ABR: variants seen among roughly 807,000 people sequenced by gnomAD.
ABR encodes the protein active breakpoint cluster region-related protein.
ABR carries 35 observed loss-of-function variants against 107.2 expected under a neutral mutation model. That is an observed-to-expected ratio of 0.33 (90% CI 0.25 to 0.43). The LOEUF is 0.43. Ranked by LOEUF, ABR falls within the 20% of genes least tolerant of loss-of-function variation. The pLI, the probability that ABR is intolerant of heterozygous loss-of-function variation, is 1.00. For missense variants in ABR, 815 were observed against 1,115.2 expected (o/e 0.73, Z 3.83); for synonymous variants, 498 against 462.0 (o/e 1.08, Z -1.00).
chr17:1,011,240 C>T lies in ABR; in HGVS notation c.2102-377G>A, dbSNP rs181989922. Reference sequence around the variant, plus strand: ...ACTTTTCACACGTAAAAGCATGTTCCGACAAAGCCTCAGCTTCTAGGCTGC... The same window carrying T: ...ACTTTTCACACGTAAAAGCATGTTCTGACAAAGCCTCAGCTTCTAGGCTGC... On this transcript the variant is annotated intron_variant, in intron 19 of 22. Coordinates refer to ENST00000302538, the MANE Select transcript of ABR (RefSeq NM_021962.5). The surrounding 1 kb of genome is among the most constrained non-coding windows in gnomAD (Gnocchi z 4.8). 70 of 237,912 alleles carry T rather than the reference C, an allele frequency of 2.9e-4. 2 individuals carry two copies. The highest frequency in any genetic ancestry group is 1.5e-3 in the South Asian group (28 of 18,622). The allele number at this position is 237,912 out of a possible 1,614,324, so 14.7% of individuals were successfully genotyped here.
chr17:1,034,814 G>C lies in ABR; in HGVS notation c.1791+15236C>G, dbSNP rs147407148. Among the ~76,000 whole-genome samples, 538 of 152,266 alleles carry C rather than the reference G, an allele frequency of 3.5e-3. 1 individual carries two copies. The highest frequency in any genetic ancestry group is 0.012 in the African/African-American group (515 of 41,524). Reference sequence around the variant, plus strand: ...TCCCCTTCCCTCGGGCTGGGTCCCAGGCCACAGGGTGCAGACTGCGAGAAT... The same window carrying C: ...TCCCCTTCCCTCGGGCTGGGTCCCACGCCACAGGGTGCAGACTGCGAGAAT... On this transcript the variant is annotated intron_variant, in intron 16 of 22. Coordinates refer to ENST00000302538, the MANE Select transcript of ABR (RefSeq NM_021962.5).
rs548061455 is a variant in ABR, at chr17:1,148,861, A to G, written c.62-23494T>C. Among the ~76,000 whole-genome samples the G allele has an allele frequency of 6.6e-6, 1 of 152,194 alleles. No individual in the cohort carries two copies. Among genetic ancestry groups the G allele is most frequent in the East Asian group, 1.9e-4 (1 of 5,180 alleles). The stretch of plus-strand genomic sequence containing the variant: ...ATGCGTACACTGGATGGAAAATTTT[A>G]GGCATGTGTATTTTGCCATGATTTT... On this transcript the variant is annotated intron_variant, in intron 1 of 22. Transcript: ENST00000302538. The surrounding 1 kb of genome is among the most constrained non-coding windows in gnomAD (Gnocchi z 4.9).
At chr17:1,009,585 G>A (rs1486608586) in intron 21 of ABR, 94 bp downstream of exon 21, 11 of 1,046,372 alleles carry the variant, frequency 1.1e-5, no homozygotes, top group Middle Eastern at 2.2e-4. Flanking sequence ...ACCTTTTCAC[G>A]AGGAGGGACT....
chr17:1,020,305 A>C (rs1220541941), intron 16 of ABR, among the ~76,000 whole-genome samples: 1 of 151,884 alleles, frequency 6.6e-6, no homozygotes, highest in African/African-American at 2.4e-5. Flanking sequence ...CTGGTCTCCA[A>C]CTCCTGACCT....
chr17:1,187,908 T>C (rs1337320864), upstream of ABR, among the ~76,000 whole-genome samples: 1 of 146,758 alleles, frequency 6.8e-6, no homozygotes, highest in East Asian at 2.1e-4. Flanking sequence ...AATAAATAAA[T>C]AAATAAATAA....
At position 1,050,761 on chromosome 17, in the gene ABR, C is replaced by T. The variant is rs1361828187; in HGVS notation, c.1562-127G>A. 2.6e-6 allele frequency: 2 copies of T among 755,762 alleles called. No individual in the cohort carries two copies. The highest frequency in any genetic ancestry group is 4.6e-6 in the Non-Finnish European group (2 of 438,602). The allele number at this position is 755,762 out of a possible 1,614,324, so 46.8% of individuals were successfully genotyped here. ...AACGTCCCCACGGATGGCATCTTGG[C>T]TCTCTCCTCCCTGAAGCCCGGGACC... On this transcript the variant is annotated intron_variant, in intron 14 of 22. Coordinates refer to ENST00000302538, the MANE Select transcript of ABR (RefSeq NM_021962.5). This position sits in a 1 kb window ranked among gnomAD's most constrained non-coding sequence, Gnocchi z 4.6.
chr17:1,148,476 G>GC lies in ABR; in HGVS notation c.62-23110dup, dbSNP rs1037948696. On this transcript the variant is annotated intron_variant, in intron 1 of 22. Coordinates refer to ENST00000302538, the MANE Select transcript of ABR (RefSeq NM_021962.5). The surrounding 1 kb of genome is among the most constrained non-coding windows in gnomAD (Gnocchi z 4.9). The stretch of plus-strand genomic sequence containing the variant: ...CTGTTGTTCAATACAGGGGTCCCCA[G>GC]CCCCCCCGGGCATGGACCGGCACCA... Among the ~76,000 whole-genome samples the GC allele has an allele frequency of 8.5e-5, 13 of 152,224 alleles. No individual in the cohort carries two copies. The highest frequency in any genetic ancestry group is 2.9e-4 in the African/African-American group (12 of 41,554).
intron 1 of ABR, among the ~76,000 whole-genome samples, chr17:1,132,670 C>G (rs573659797): frequency 9.2e-5 from 14 of 152,180 alleles, no homozygotes; most frequent in African/African-American, 3.4e-4. Flanking sequence ...AGCCACCACA[C>G]CTGGCCAATA....
Position 1,071,277 on chromosome 17 carries a change from G to A in ABR, c.895-1187C>T, listed in dbSNP as rs1224398520. 6.6e-6 allele frequency among the ~76,000 whole-genome samples: 1 copy of A among 152,176 alleles called. No homozygotes were observed. Among genetic ancestry groups the A allele is most frequent in the African/African-American group, 2.4e-5 (1 of 41,428 alleles). On this transcript the variant is annotated intron_variant, in intron 8 of 22. Coordinates refer to ENST00000302538, the MANE Select transcript of ABR (RefSeq NM_021962.5). The surrounding 1 kb of genome is among the most constrained non-coding windows in gnomAD (Gnocchi z 5.1). Reference sequence around the variant, plus strand: ...CAGACGCTGCACATCAGCACCAGGAGCCGCACGGAATCGGCTCTCTCTGCC... The same window carrying A: ...CAGACGCTGCACATCAGCACCAGGAACCGCACGGAATCGGCTCTCTCTGCC...
intron 1 of ABR, among the ~76,000 whole-genome samples, chr17:1,173,707 TC>T (rs2041829683): frequency 6.6e-6 from 1 of 152,026 alleles, no homozygotes; most frequent in Non-Finnish European, 1.5e-5. Flanking sequence ...GTTTTCTTTT[TC>T]CCACCCGTAC....
chr17:1,215,373 C>G (rs1303709157), intron 1 of ABR, among the ~76,000 whole-genome samples: 1 of 152,172 alleles, frequency 6.6e-6, no homozygotes, highest in Non-Finnish European at 1.5e-5. Flanking sequence ...CGAGTGCCTG[C>G]GATTGCAGGC....
chr17:1,104,476 C>T (rs114716515), intron 2 of ABR, among the ~76,000 whole-genome samples: 2,763 of 152,294 alleles, frequency 0.018, 87 homozygotes, highest in African/African-American at 0.063. Flanking sequence ...GGCTATAGGG[C>T]ATGCAGCGAG....
At chr17:1,085,408 G>A (rs576030134) in intron 4 of ABR, among the ~76,000 whole-genome samples, 3 of 152,250 alleles carry the variant, frequency 2.0e-5, no homozygotes, top group South Asian at 2.1e-4. Context: ...GAGCCACCGC[G>A]CCCGGCCAAT....
upstream of ABR, among the ~76,000 whole-genome samples, chr17:1,184,045 T>C (rs904929518): frequency 6.6e-6 from 1 of 151,574 alleles, no homozygotes; most frequent in Admixed American, 6.6e-5. Flanking sequence ...ACCCCGTCTC[T>C]ACTAAAAACA....
At chr17:1,048,091 C>T (rs918112018) in intron 16 of ABR, among the ~76,000 whole-genome samples, 5 of 152,208 alleles carry the variant, frequency 3.3e-5, no homozygotes, top group Non-Finnish European at 7.4e-5. Flanking sequence ...TAGCCCAGCC[C>T]AGGGACAGGG....
chr17:1,098,417 C>T (rs186495426), intron 3 of ABR, among the ~76,000 whole-genome samples: 4 of 152,266 alleles, frequency 2.6e-5, no homozygotes, highest in Admixed American at 1.3e-4. Flanking sequence ...TGTAAGACAC[C>T]ATGGGCCCGG....
At chr17:1,191,667 T>A (rs1319128508), upstream of ABR, among the ~76,000 whole-genome samples, 2 of 152,232 alleles carry the variant, frequency 1.3e-5, no homozygotes, top group East Asian at 3.9e-4. Flanking sequence ...ACATATTCAA[T>A]AGTGTCAGGG....
At chr17:1,022,106 C>CA (rs759234729) in intron 16 of ABR, among the ~76,000 whole-genome samples, 492 of 39,088 alleles carry the variant, frequency 0.013, 10 homozygotes, top group East Asian at 0.062. Flanking sequence ...GACTCTGTCT[C>CA]AAAAAAAAAA....
chr17:1,010,264 C>G lies in ABR; in HGVS notation c.2236+465G>C. The G allele has an allele frequency of 4.5e-6, 1 of 223,354 alleles. No individual in the cohort carries two copies. The allele number at this position is 223,354 out of a possible 1,614,324, so 13.8% of individuals were successfully genotyped here. A position where few individuals can be genotyped will look rare whatever the true frequency, so the allele number is the denominator to read the frequency against. The stretch of plus-strand genomic sequence containing the variant: ...GGATTCCTTGGGGCTGGGTTTGGCC[C>G]AGGTGGGTGGAGGCGGAAGGCCTGC... On this transcript the variant is annotated intron_variant, in intron 20 of 22. Coordinates refer to ENST00000302538, the MANE Select transcript of ABR (RefSeq NM_021962.5). This position sits in a 1 kb window ranked among gnomAD's most constrained non-coding sequence, Gnocchi z 4.1.
Sources: allele counts gnomAD v4.1 joint callset (sites outside exome capture counted in the v4.1 genomes callset), GRCh38; gene constraint gnomAD v4.1.1; non-coding constraint Gnocchi (gnomAD v3.1); transcripts MANE v1.5; gene names NCBI Gene and HGNC (gene_info 2026-07-23, HGNC 2026-07-21).